The following APLP2 variants were observed in gnomAD, a reference collection of about 807,000 sequenced individuals.
The protein encoded by APLP2 is CDEI box-binding protein.
In APLP2, 53 loss-of-function variants were observed where a neutral mutation model predicts 89.9. The observed-to-expected ratio is 0.59, with a 90% CI of 0.47 to 0.74. The LOEUF is 0.74. Ranked by LOEUF, APLP2 falls within the 30% of genes least tolerant of loss-of-function variation. The probability of loss-of-function intolerance (pLI) is 0.00; values close to 1 mark genes in which losing one functional copy is unlikely to be tolerated. For missense variants in APLP2, 973 were observed against 975.9 expected (o/e 1.00, Z 0.04); for synonymous variants, 372 against 348.6 (o/e 1.07, Z -0.75).
intron 1 of APLP2, among the ~76,000 whole-genome samples, chr11:130,095,872 G>T (rs1946131480): frequency 6.6e-6 from 1 of 152,018 alleles, no homozygotes; most frequent in Non-Finnish European, 1.5e-5. Context: ...GTTTACTTGG[G>T]TATAAATGAT....
At chr11:130,076,953 CAGG>C (rs1591755565) in intron 1 of APLP2, among the ~76,000 whole-genome samples, 1 of 152,258 alleles carries the variant, frequency 6.6e-6, no homozygotes, top group East Asian at 1.9e-4. Flanking sequence ...AGCATGTGGC[CAGG>C]AGGAGGAGGG....
At chr11:130,079,442 A>G (rs906195587) in intron 1 of APLP2, among the ~76,000 whole-genome samples, 1 of 152,226 alleles carries the variant, frequency 6.6e-6, no homozygotes, top group South Asian at 2.1e-4. Flanking sequence ...TCTGCCTTCA[A>G]TGTTTGGTAG....
chr11:130,118,910 T>C (rs1204625977), intron 3 of APLP2, among the ~76,000 whole-genome samples: 2 of 152,340 alleles, frequency 1.3e-5, no homozygotes, highest in East Asian at 3.9e-4. Flanking sequence ...CTGCCATTTG[T>C]AATGCAGTTT....
chr11:130,140,512 C>T (rs774793796), intron 14 of APLP2, 29 bp downstream of exon 14: 19 of 1,565,732 alleles, frequency 1.2e-5, no homozygotes, highest in African/African-American at 8.2e-5. Flanking sequence ...CTGCCCAACA[C>T]GCTTTACTTT....
intron 11 of APLP2, among the ~76,000 whole-genome samples, chr11:130,131,185 G>A (rs958673191): frequency 2.0e-5 from 3 of 152,200 alleles, no homozygotes; most frequent in Non-Finnish European, 2.9e-5. Context: ...TGCAACTTCT[G>A]CCTCCCGGGT....
intron 1 of APLP2, among the ~76,000 whole-genome samples, chr11:130,081,517 G>A (rs374303784): frequency 2.0e-5 from 3 of 152,096 alleles, no homozygotes; most frequent in Non-Finnish European, 4.4e-5. Flanking sequence ...TGCTTTTTTG[G>A]TGTTTTTCTA....
chr11:130,125,459 C>T (rs577940214), intron 7 of APLP2, among the ~76,000 whole-genome samples: 154 of 152,202 alleles, frequency 1.0e-3, no homozygotes, highest in African/African-American at 3.4e-3. Flanking sequence ...ACCAAGTTAT[C>T]GATTCTAATT....
chr11:130,101,968 A>G, intron 1 of APLP2: 1 of 456,214 alleles, frequency 2.2e-6, no homozygotes, highest in South Asian at 1.5e-5. Flanking sequence ...CCTGATCAGC[A>G]CCCTCAAATG....
At chr11:130,127,542 A>C (rs1332424511) in intron 8 of APLP2, among the ~76,000 whole-genome samples, 2 of 152,150 alleles carry the variant, frequency 1.3e-5, no homozygotes, top group Admixed American at 1.3e-4. Flanking sequence ...TAACTTACTC[A>C]AGGTTATGTA....
rs915650346 is a variant in APLP2, at chr11:130,070,177, G to C, written c.105+95G>C. The C allele has an allele frequency of 1.5e-4, 112 of 731,040 alleles. No individual in the cohort carries two copies. In the African/African-American group the frequency reaches 2.0e-3, roughly 13 times the overall value. 45.3% of individuals were successfully genotyped at this position (731,040 alleles called of 1,614,324 possible). On this transcript the variant is annotated intron_variant, in intron 1 of 16. Coordinates refer to ENST00000338167, the MANE Select transcript of APLP2 (RefSeq NM_001142276.2). ...AGCGGGGTCCGCGGCAGGGCGGGCC[G>C]GCGGTGCGGCGCCGGGGGTCCGGCT...
intron 1 of APLP2, among the ~76,000 whole-genome samples, chr11:130,098,076 C>T (rs1018990460): frequency 3.3e-5 from 5 of 152,178 alleles, no homozygotes; most frequent in African/African-American, 1.2e-4. Context: ...CCCCTCCCTG[C>T]TTTAAAACAC....
intron 1 of APLP2, 82 bp from the exon 2 acceptor site, chr11:130,109,347 A>G: frequency 7.9e-7 from 1 of 1,270,148 alleles, no homozygotes; most frequent in South Asian, 1.5e-5. Flanking sequence ...TAAAAGATGC[A>G]TTCTGTCACA....
chr11:130,115,110 CTGT>C (rs1428126958), intron 3 of APLP2, among the ~76,000 whole-genome samples: 1 of 152,174 alleles, frequency 6.6e-6, no homozygotes, highest in Non-Finnish European at 1.5e-5. Flanking sequence ...TTACATAAGG[CTGT>C]TTTCTCCCAC....
intron 3 of APLP2, among the ~76,000 whole-genome samples, chr11:130,113,407 A>G (rs773639216): frequency 1.3e-5 from 2 of 152,218 alleles, no homozygotes; most frequent in African/African-American, 2.4e-5. Flanking sequence ...CATTGTGGTC[A>G]CTGAATAAAG....
At chr11:130,091,849 G>A (rs1359966515) in intron 1 of APLP2, among the ~76,000 whole-genome samples, 2 of 147,926 alleles carry the variant, frequency 1.4e-5, no homozygotes, top group South Asian at 2.1e-4. Context: ...CCCGGACGGG[G>A]TGGCTGCCGG....
chr11:130,070,181 G>T, intron 1 of APLP2, 99 bp downstream of exon 1: 1 of 728,148 alleles, frequency 1.4e-6, no homozygotes, highest in Non-Finnish European at 1.8e-6. Context: ...CGGGCCGGCG[G>T]TGCGGCGCCG....
intron 1 of APLP2, among the ~76,000 whole-genome samples, chr11:130,086,624 T>G (rs549657041): frequency 1.1e-4 from 17 of 152,344 alleles, no homozygotes; most frequent in East Asian, 3.9e-4. Flanking sequence ...CTCCTAAGTC[T>G]TCTTCTAAGC....
chr11:130,098,160 AC>A (rs1167126940), intron 1 of APLP2, among the ~76,000 whole-genome samples: 2 of 152,036 alleles, frequency 1.3e-5, no homozygotes, highest in Non-Finnish European at 2.9e-5. Context: ...TAATCCCAGC[AC>A]TTTGGGAGGC....
In APLP2 at chr11:130,141,686, T is replaced by G; in HGVS notation, c.1998+114T>G. 2 of 1,004,182 alleles carry G rather than the reference T, an allele frequency of 2.0e-6. No individual in the cohort carries two copies. Among genetic ancestry groups the G allele is most frequent in the African/African-American group, 1.6e-5 (1 of 61,850 alleles). The allele number at this position is 1,004,182 out of a possible 1,614,324, so 62.2% of individuals were successfully genotyped here. A position where few individuals can be genotyped will look rare whatever the true frequency, so the allele number is the denominator to read the frequency against. On this transcript the variant is annotated intron_variant, in intron 15 of 16. Coordinates refer to ENST00000338167, the MANE Select transcript of APLP2 (RefSeq NM_001142276.2). The surrounding 1 kb of genome is among the most constrained non-coding windows in gnomAD (Gnocchi z 4.2). ...AGATGCCTGAGCTAATAAGGGTCCC[T>G]CATCCCCAGCTTTCCGTACTTTTGG...
Sources: allele counts gnomAD v4.1 joint callset (sites outside exome capture counted in the v4.1 genomes callset), GRCh38; gene constraint gnomAD v4.1.1; non-coding constraint Gnocchi (gnomAD v3.1); transcripts MANE v1.5; gene names NCBI Gene and HGNC (gene_info 2026-07-23, HGNC 2026-07-21).